The following LPAR1 variants were observed in gnomAD, a reference collection of about 807,000 sequenced individuals.
LPAR1 encodes lysophosphatidic acid receptor 1.
A neutral mutation model predicts 23.8 loss-of-function variants in LPAR1; 5 were observed. The ratio of observed to expected loss-of-function variants is 0.21; its 90% CI spans 0.11 to 0.44. The LOEUF (loss-of-function observed/expected upper bound fraction) is 0.44. Ranked by LOEUF, LPAR1 falls within the 20% of genes least tolerant of loss-of-function variation. The pLI is 0.99. For missense variants in LPAR1, 311 were observed against 482.8 expected (o/e 0.64, Z 3.33); for synonymous variants, 160 against 164.7 (o/e 0.97, Z 0.22).
At chr9:110,923,930 A>C (rs2093817322) in intron 5 of LPAR1, among the ~76,000 whole-genome samples, 1 of 152,256 alleles carries the variant, frequency 6.6e-6, no homozygotes, top group South Asian at 2.1e-4. Context: ...AAAGGAGTAC[A>C]TATATTTTTA....
chr9:110,878,544 TG>T (rs1329920784), intron 5 of LPAR1, among the ~76,000 whole-genome samples: 1 of 152,200 alleles, frequency 6.6e-6, no homozygotes, highest in African/African-American at 2.4e-5. Context: ...ATGTGCATTG[TG>T]GACCCCATCA....
chr9:110,936,995 CT>C (rs1371803204), intron 5 of LPAR1, among the ~76,000 whole-genome samples: 1 of 152,146 alleles, frequency 6.6e-6, no homozygotes, highest in Non-Finnish European at 1.5e-5. Flanking sequence ...AGTAGGGAGA[CT>C]TCAAGCCTAG....
At chr9:110,894,971 T>C (rs906616926) in intron 5 of LPAR1, among the ~76,000 whole-genome samples, 28 of 152,210 alleles carry the variant, frequency 1.8e-4, no homozygotes, top group Admixed American at 4.6e-4. Flanking sequence ...TGAGTTATGA[T>C]TGCACCACCG....
chr9:110,879,761 A>T (rs1166672022), intron 5 of LPAR1, among the ~76,000 whole-genome samples: 5 of 152,228 alleles, frequency 3.3e-5, no homozygotes, highest in African/African-American at 1.2e-4. Context: ...CAGAAGAGAG[A>T]TAATGAAAGC....
At chr9:110,970,430 G>C (rs183148267) in intron 4 of LPAR1, among the ~76,000 whole-genome samples, 5 of 152,258 alleles carry the variant, frequency 3.3e-5, no homozygotes, top group Admixed American at 2.6e-4. Flanking sequence ...TAAATGAAGT[G>C]TTGAAAGGAC....
chr9:110,894,075 T>G (rs1038906460), intron 5 of LPAR1, among the ~76,000 whole-genome samples: 10 of 152,220 alleles, frequency 6.6e-5, no homozygotes, highest in African/African-American at 2.4e-4. Flanking sequence ...TTATTAAACA[T>G]TATTTACCAG....
At position 110,941,556 on chromosome 9, in the gene LPAR1, C is replaced by T; in HGVS notation, c.658G>A (p.Val220Ile). 6.2e-7 allele frequency: 1 copy of T among 1,614,142 alleles called. No homozygotes were observed. The highest frequency in any genetic ancestry group is 8.5e-7 in the Non-Finnish European group (1 of 1,180,012). The change falls in exon 5 of 6, where the codon GTA becomes ATA. Residue 220 changes from valine to isoleucine, a missense_variant. Coordinates refer to ENST00000683809, the MANE Select transcript of LPAR1 (RefSeq NM_001351411.2). The surrounding 1 kb of genome is among the most constrained non-coding windows in gnomAD (Gnocchi z 6.1). ...WAIFNLVTFV[V>I]MVVLYAHIFG... is the part of the protein sequence containing the mutation. ...ATGTGAGCATAGAGAACCACCATTA[C>T]CACAAAGGTCACCAAGTTGAAAATG... is the stretch of plus-strand genomic sequence containing the variant.
intron 4 of LPAR1, among the ~76,000 whole-genome samples, chr9:110,951,787 T>G (rs563345074): frequency 6.6e-6 from 1 of 152,036 alleles, no homozygotes; most frequent in Non-Finnish European, 1.5e-5. Flanking sequence ...AAATCACACA[T>G]GTGCCTAACG....
chr9:111,024,363 G>A (rs1269218597), intron 2 of LPAR1, among the ~76,000 whole-genome samples: 1 of 146,344 alleles, frequency 6.8e-6, no homozygotes, highest in East Asian at 2.0e-4. Context: ...CAGTGTGCTG[G>A]GCATCATATA....
At chr9:110,945,812 C>T (rs2095356628) in intron 4 of LPAR1, among the ~76,000 whole-genome samples, 1 of 152,084 alleles carries the variant, frequency 6.6e-6, no homozygotes, top group Admixed American at 6.6e-5. Context: ...TCTTCAAAAG[C>T]TAGTAATGAC....
intron 2 of LPAR1, among the ~76,000 whole-genome samples, chr9:111,025,875 C>T (rs988287965): frequency 3.3e-5 from 5 of 152,130 alleles, no homozygotes; most frequent in African/African-American, 9.7e-5. Flanking sequence ...GGTATTATTT[C>T]TGAGGCCTCT....
At chr9:110,947,573 T>G (rs937932675) in intron 4 of LPAR1, among the ~76,000 whole-genome samples, 1 of 152,220 alleles carries the variant, frequency 6.6e-6, no homozygotes, top group Non-Finnish European at 1.5e-5. Flanking sequence ...GAGTCACATA[T>G]GTTGTTTACC....
chr9:110,880,866 C>T (rs1021575034), intron 5 of LPAR1, among the ~76,000 whole-genome samples: 8 of 152,138 alleles, frequency 5.3e-5, no homozygotes, highest in Admixed American at 3.3e-4. Flanking sequence ...TCTGTAGTTA[C>T]GTTGTGATTT....
chr9:111,027,273 A>C (rs1290473063), intron 2 of LPAR1, among the ~76,000 whole-genome samples: 1 of 152,140 alleles, frequency 6.6e-6, no homozygotes, highest in Non-Finnish European at 1.5e-5. Flanking sequence ...TTGGGAAGTC[A>C]AGGTGAGAGT....
In LPAR1 at chr9:110,952,581, T is replaced by C. The variant is rs536661686; in HGVS notation, c.46-10413A>G. Among the ~76,000 whole-genome samples, 4 of 152,280 alleles carry C rather than the reference T, an allele frequency of 2.6e-5. No homozygotes were observed. In the South Asian group the frequency reaches 6.2e-4, roughly 24 times the overall value. On this transcript the variant is annotated intron_variant, in intron 4 of 5. Transcript: ENST00000683809. ...TTGGCAGCAACTCTGCTGCCCACGA[T>C]AGCAGGGCTACAACACACTTAAAAG...
At chr9:110,913,298 T>C (rs2092686234) in intron 5 of LPAR1, among the ~76,000 whole-genome samples, 1 of 152,210 alleles carries the variant, frequency 6.6e-6, no homozygotes, top group Non-Finnish European at 1.5e-5. Context: ...GCATAGAAAG[T>C]ACAGACTTTT....
intron 2 of LPAR1, among the ~76,000 whole-genome samples, chr9:110,986,260 T>C (rs2096778851): frequency 6.6e-6 from 1 of 152,130 alleles, no homozygotes; most frequent in African/African-American, 2.4e-5. Context: ...GGCGCCACTG[T>C]GCCAAGCTGG....
At chr9:110,932,720 T>A (rs898024881) in intron 5 of LPAR1, among the ~76,000 whole-genome samples, 1 of 152,266 alleles carries the variant, frequency 6.6e-6, no homozygotes, top group African/African-American at 2.4e-5. Flanking sequence ...TGAACCCTAT[T>A]GTGATCTGCA....
chr9:110,971,125 G>A (rs973508113), intron 4 of LPAR1, among the ~76,000 whole-genome samples: 1 of 151,900 alleles, frequency 6.6e-6, no homozygotes, highest in African/African-American at 2.4e-5. Context: ...ACAGAGCAAG[G>A]CTCTCTCTCA....
Sources: allele counts gnomAD v4.1 joint callset (sites outside exome capture counted in the v4.1 genomes callset), GRCh38; gene constraint gnomAD v4.1.1; non-coding constraint Gnocchi (gnomAD v3.1); transcripts MANE v1.5; gene names NCBI Gene and HGNC (gene_info 2026-07-23, HGNC 2026-07-21).